Variants in RORA observed in about 807,000 individuals in gnomAD.
The protein encoded by RORA is nuclear receptor ROR-alpha.
RORA carries 7 observed loss-of-function variants against 69.5 expected under a neutral mutation model. The observed-to-expected ratio is 0.10, with a 90% CI of 0.06 to 0.19. The LOEUF is 0.19. RORA is among the 10% of genes least tolerant of loss of function. The pLI is 1.00. For missense variants in RORA, 457 were observed against 663.0 expected (o/e 0.69, Z 3.41); for synonymous variants, 261 against 240.8 (o/e 1.08, Z -0.78).
chr15:60,535,906 T>C (rs1394290140), intron 2 of RORA, among the ~76,000 whole-genome samples: 7 of 152,170 alleles, frequency 4.6e-5, no homozygotes, highest in African/African-American at 1.4e-4. Context: ...ATCATCATCA[T>C]TGCACTCTTA....
intron 1 of RORA, among the ~76,000 whole-genome samples, chr15:61,024,442 C>T (rs1247428466): frequency 8.6e-6 from 1 of 116,736 alleles, no homozygotes; most frequent in East Asian, 2.8e-4. Flanking sequence ...AGCTACCATG[C>T]CCGGTAATGT....
intron 1 of RORA, among the ~76,000 whole-genome samples, chr15:60,900,762 C>T (rs1266864654): frequency 1.3e-5 from 2 of 152,064 alleles, no homozygotes; most frequent in Non-Finnish European, 2.9e-5. Context: ...GTCCCAGCTA[C>T]TCGGGAGGCT....
intron 1 of RORA, among the ~76,000 whole-genome samples, chr15:61,066,634 G>C (rs917642304): frequency 6.6e-6 from 1 of 151,424 alleles, no homozygotes; most frequent in Non-Finnish European, 1.5e-5. Context: ...CTGCATGTTG[G>C]TCAGGCTGGT....
intron 6 of RORA, among the ~76,000 whole-genome samples, chr15:60,504,850 G>C (rs562978701): frequency 6.6e-6 from 1 of 152,236 alleles, no homozygotes; most frequent in Non-Finnish European, 1.5e-5. Context: ...TGTTCCCACC[G>C]ATATGATGGG....
intron 1 of RORA, among the ~76,000 whole-genome samples, chr15:60,808,810 C>G (rs561342122): frequency 6.6e-6 from 1 of 151,746 alleles, no homozygotes; most frequent in African/African-American, 2.4e-5. Context: ...GAATACTACT[C>G]AGCCACAAAA....
chr15:60,982,114 A>G (rs187018936), intron 1 of RORA, among the ~76,000 whole-genome samples: 2 of 152,366 alleles, frequency 1.3e-5, no homozygotes, highest in East Asian at 3.9e-4. Flanking sequence ...CTTGGAACTA[A>G]TAAATCATCC....
At chr15:60,712,469 T>C (rs2071157935) in intron 1 of RORA, among the ~76,000 whole-genome samples, 1 of 152,188 alleles carries the variant, frequency 6.6e-6, no homozygotes, top group Non-Finnish European at 1.5e-5. Flanking sequence ...ACTAAGGTCA[T>C]GTGTCAGTTG....
intron 5 of RORA, among the ~76,000 whole-genome samples, chr15:60,509,227 T>C (rs2065612366): frequency 6.6e-6 from 1 of 152,240 alleles, no homozygotes; most frequent in South Asian, 2.1e-4. Flanking sequence ...ACTTTGCATG[T>C]ATAAATGGGA....
chr15:61,156,592 G>C (rs1170119714), intron 1 of RORA, among the ~76,000 whole-genome samples: 1 of 152,036 alleles, frequency 6.6e-6, no homozygotes, highest in Admixed American at 6.5e-5. Context: ...TGAGACCCTA[G>C]GAGGTAGAAG....
chr15:60,746,805 G>C (rs911327926), intron 1 of RORA, among the ~76,000 whole-genome samples: 1 of 152,178 alleles, frequency 6.6e-6, no homozygotes, highest in African/African-American at 2.4e-5. Flanking sequence ...CTTTCCCTAG[G>C]TGTTTTTGAA....
At chr15:60,930,441 T>C (rs1009327442) in intron 1 of RORA, among the ~76,000 whole-genome samples, 2 of 152,130 alleles carry the variant, frequency 1.3e-5, no homozygotes, top group African/African-American at 2.4e-5. Flanking sequence ...GAGAATTACA[T>C]ATGGTCTCCC....
chr15:61,136,523 G>T (rs2079241641), intron 1 of RORA, among the ~76,000 whole-genome samples: 1 of 152,060 alleles, frequency 6.6e-6, no homozygotes, highest in African/African-American at 2.4e-5. Context: ...ATTAAAGAAA[G>T]AAATGCAATA....
chr15:60,827,057 C>A (rs768467283), intron 1 of RORA, among the ~76,000 whole-genome samples: 1 of 152,132 alleles, frequency 6.6e-6, no homozygotes, highest in South Asian at 2.1e-4. Context: ...ACAATATTAA[C>A]GCCATTTCTA....
At chr15:60,533,185 C>T (rs2066577909) in intron 2 of RORA, among the ~76,000 whole-genome samples, 1 of 152,192 alleles carries the variant, frequency 6.6e-6, no homozygotes, top group Non-Finnish European at 1.5e-5. Context: ...AATACAAGTA[C>T]TGTGGTGACT....
In RORA at chr15:60,534,816, T is replaced by C. The variant is rs2091566537; in HGVS notation, c.197-2965A>G. Among the ~76,000 whole-genome samples the C allele has an allele frequency of 2.0e-5, 3 of 152,166 alleles. No homozygotes were observed. Among genetic ancestry groups the C allele is most frequent in the Admixed American group, 2.0e-4 (3 of 15,276 alleles). On this transcript the variant is annotated intron_variant, in intron 2 of 10. Transcript: ENST00000335670. The surrounding 1 kb of genome is among the most constrained non-coding windows in gnomAD (Gnocchi z 5.0). ...TCCCAGAAAGCGAGCATTTGCAGAT[T>C]GGAGCAGGGCACTTGCTCAGCCCTT...
chr15:60,617,756 C>G (rs1047736220), intron 2 of RORA, among the ~76,000 whole-genome samples: 41 of 151,150 alleles, frequency 2.7e-4, no homozygotes, highest in African/African-American at 9.4e-4. Context: ...TCATTAAGAA[C>G]TTCAAACCTG....
At chr15:61,066,582 A>G (rs1566971811) in intron 1 of RORA, among the ~76,000 whole-genome samples, 1 of 151,808 alleles carries the variant, frequency 6.6e-6, no homozygotes, top group Non-Finnish European at 1.5e-5. Flanking sequence ...ATGCGCCACC[A>G]CGCCTGGCTA....
chr15:61,094,539 T>C (rs186381546), intron 1 of RORA, among the ~76,000 whole-genome samples: 49 of 152,282 alleles, frequency 3.2e-4, no homozygotes, highest in African/African-American at 9.9e-4. Flanking sequence ...TTCATCAGCA[T>C]TGGTCCCACT....
chr15:60,853,906 C>T (rs1309415974), intron 1 of RORA, among the ~76,000 whole-genome samples: 3 of 152,160 alleles, frequency 2.0e-5, no homozygotes, highest in East Asian at 1.9e-4. Flanking sequence ...GACTTTAATA[C>T]CTACTGCACA....
Sources: gnomAD v4.1 joint callset for allele counts (sites outside exome capture counted in the v4.1 genomes callset) on GRCh38, gnomAD v4.1.1 for gene constraint, Gnocchi (gnomAD v3.1) non-coding constraint, MANE v1.5 for transcripts, NCBI Gene and HGNC (gene_info 2026-07-23, HGNC 2026-07-21) for gene names.